The following SHC2 variants were observed in gnomAD, a reference collection of about 807,000 sequenced individuals.
SHC2 encodes the protein SHC adaptor protein 2.
A neutral mutation model predicts 60.6 loss-of-function variants in SHC2; 62 were observed. That is an observed-to-expected ratio of 1.02 (90% CI 0.83 to 1.26). The LOEUF is 1.26. Among genes scored for constraint, SHC2 ranks in the 50% most tolerant of loss-of-function variants. The pLI is 0.00. For missense variants in SHC2, 873 were observed against 822.2 expected (o/e 1.06, Z -0.76); for synonymous variants, 375 against 372.4 (o/e 1.01, Z -0.08).
intron 1 of SHC2, among the ~76,000 whole-genome samples, chr19:448,187 C>T (rs1975094034): frequency 1.3e-5 from 2 of 152,220 alleles, no homozygotes; most frequent in South Asian, 2.1e-4. Context: ...CAGAGCTTTA[C>T]GGGGGAGAAA....
At position 438,814 on chromosome 19, in the gene SHC2, G is replaced by A. The variant is rs543925986; in HGVS notation, c.624C>T (p.Ser208=). 342 of 1,571,606 alleles carry A rather than the reference G, an allele frequency of 2.2e-4. 2 individuals are homozygous for A. In the Admixed American group the frequency reaches 4.3e-3, roughly 20 times the overall value. ...KKKAPNKALA[S]VLGKSNLRFA... The stretch of plus-strand genomic sequence containing the variant: ...AGCGAAGGTTGCTCTTGCCCAGGAC[G>A]GACGCCAGGGCCTTGTTGGGGGCCT... The change falls in exon 4 of 13, where the codon TCC becomes TCT. Residue 208 remains serine (S), a synonymous_variant. Coordinates refer to ENST00000264554, the MANE Select transcript of SHC2 (RefSeq NM_012435.3). The surrounding 1 kb of genome is among the most constrained non-coding windows in gnomAD (Gnocchi z 5.0).
At chr19:450,243 G>A (rs1191944844) in intron 1 of SHC2, among the ~76,000 whole-genome samples, 2 of 152,244 alleles carry the variant, frequency 1.3e-5, no homozygotes, top group African/African-American at 4.8e-5. Flanking sequence ...GCATCTTGTG[G>A]GGAAAGCCTT....
chr19:452,860 G>C (rs1975235070), intron 1 of SHC2, among the ~76,000 whole-genome samples: 1 of 152,190 alleles, frequency 6.6e-6, no homozygotes, highest in Non-Finnish European at 1.5e-5. Context: ...TGGGGCTCGA[G>C]AATCAGCATT....
Position 444,930 on chromosome 19 carries a change from G to A in SHC2, c.469-3998C>T, listed in dbSNP as rs368343805. On this transcript the variant is annotated intron_variant, in intron 1 of 12. Transcript: ENST00000264554. ...CTCGGGAAACAGGCCCGGGTGGGAG[G>A]GTGACTGACCTCCTGGGCCACACGG... 1.8e-4 allele frequency among the ~76,000 whole-genome samples: 28 copies of A among 152,338 alleles called. 1 individual carries two copies. The South Asian group carries it at 5.8e-3, about 32-fold the overall frequency.
chr19:440,556 G>A lies in SHC2; in HGVS notation c.539+306C>T, dbSNP rs146219862. Among the ~76,000 whole-genome samples, 307 of 152,298 alleles carry A rather than the reference G, an allele frequency of 2.0e-3. 5 individuals carry two copies. The South Asian group carries it at 0.036, about 18-fold the overall frequency. On this transcript the variant is annotated intron_variant, in intron 2 of 12. Transcript: ENST00000264554. This position sits in a 1 kb window ranked among gnomAD's most constrained non-coding sequence, Gnocchi z 7.0. The stretch of plus-strand genomic sequence containing the variant: ...GGACACGGAGACGCCACTGGGCCCC[G>A]GTCCCAGAGGGAACCCGCCAGGCCC...
rs918775400 is a variant in SHC2, at chr19:450,176, AG to A, written c.469-9245del. ...GAGGCTGGGCAGCCGGCGCTACAGG[AG>A]GGGGGGGACTCACAATGACACCGAA... On this transcript the variant is annotated intron_variant, in intron 1 of 12. Coordinates refer to ENST00000264554, the MANE Select transcript of SHC2 (RefSeq NM_012435.3). Among the ~76,000 whole-genome samples the A allele has an allele frequency of 6.8e-4, 104 of 151,826 alleles. 1 individual carries two copies. Among genetic ancestry groups the A allele is most frequent in the Middle Eastern group, 3.4e-3 (1 of 294 alleles).
intron 9 of SHC2, among the ~76,000 whole-genome samples, chr19:426,849 C>T (rs35528722): frequency 2.3e-5 from 2 of 88,884 alleles, no homozygotes; most frequent in African/African-American, 4.2e-5. Flanking sequence ...GACGACAGTG[C>T]GAGGGGCAGA....
chr19:438,886 C>T lies in SHC2; in HGVS notation c.601-49G>A, dbSNP rs766734194. 45 of 1,552,262 alleles carry T rather than the reference C, an allele frequency of 2.9e-5. No individual in the cohort carries two copies. The highest frequency in any genetic ancestry group is 1.5e-4 in the East Asian group (6 of 41,314). ...GAGGGCGGCTGTGGGTGGGGGCTGT[C>T]GAGGGGCTCCCAGGATGGCCGCAGC... On this transcript the variant is annotated intron_variant, in intron 3 of 12. Transcript: ENST00000264554. The surrounding 1 kb of genome is among the most constrained non-coding windows in gnomAD (Gnocchi z 5.0).
Position 438,715 on chromosome 19 carries a change from C to A in SHC2, c.720+3G>T. The stretch of plus-strand genomic sequence containing the variant: ...GGACGCCAGGCGAAGAGGGCAGACC[C>A]ACCTGGCGCGTGGCAGGCACGGAGA... On this transcript the variant is annotated splice_donor_region_variant and intron_variant, in intron 4 of 12. Transcript: ENST00000264554. This position sits in a 1 kb window ranked among gnomAD's most constrained non-coding sequence, Gnocchi z 5.0. The A allele has an allele frequency of 6.4e-7, 1 of 1,554,122 alleles. No individual in the cohort carries two copies. The highest frequency in any genetic ancestry group is 2.4e-5 in the East Asian group (1 of 41,158).
chr19:458,312 T>C (rs868745587), intron 1 of SHC2, among the ~76,000 whole-genome samples: 135 of 47,470 alleles, frequency 2.8e-3, no homozygotes, highest in South Asian at 4.6e-3. Flanking sequence ...GAAGCGGGTC[T>C]TGGGGAGGCG....
Position 440,785 on chromosome 19 carries a change from C to T in SHC2, c.539+77G>A, listed in dbSNP as rs1202738428. The T allele has an allele frequency of 1.1e-5, 15 of 1,304,470 alleles. No homozygotes were observed. The highest frequency in any genetic ancestry group is 2.0e-4 in the Middle Eastern group (1 of 5,090). 80.8% of individuals were successfully genotyped at this position (1,304,470 alleles called of 1,614,324 possible). ...CCAGCGCGGCTGTCGGAGAGCCCAT[C>T]GCTGCCGCCCTCCAGTGCTGCCGCC... On this transcript the variant is annotated intron_variant, in intron 2 of 12. Coordinates refer to ENST00000264554, the MANE Select transcript of SHC2 (RefSeq NM_012435.3). The surrounding 1 kb of genome is among the most constrained non-coding windows in gnomAD (Gnocchi z 7.0).
Position 434,853 on chromosome 19 carries a change from C to G in SHC2, c.966G>C (p.Pro322=). 6.2e-7 allele frequency: 1 copy of G among 1,610,760 alleles called. No homozygotes were observed. The highest frequency in any genetic ancestry group is 1.1e-5 in the South Asian group (1 of 91,022). Residue 322 remains proline (P), a synonymous_variant, in exon 8 of 13, where the codon CCG becomes CCC. Coordinates refer to ENST00000264554, the MANE Select transcript of SHC2 (RefSeq NM_012435.3). ...CCTCGTCCCCCCAGGCCGACTCCTCCGGCCCTGCCAGCCTGGGGGACAGAC... is the reference window on the plus strand; with the variant it reads ...CCTCGTCCCCCCAGGCCGACTCCTCGGGCCCTGCCAGCCTGGGGGACAGAC... ...VALPPERLAG[P]EESAWGDEED... is the part of the protein sequence containing the mutation.
rs1974855704 is a variant in SHC2 at position 441,135 on chromosome 19, G to C, written c.469-203C>G. On this transcript the variant is annotated intron_variant, in intron 1 of 12. Transcript: ENST00000264554. This position sits in a 1 kb window ranked among gnomAD's most constrained non-coding sequence, Gnocchi z 4.9. ...CTGCGAGCCGCCCCCTCTGACTCCA[G>C]GCATGTTTTTCTGTGTTGCTGTTTC... 1 of 985,148 alleles carries C rather than the reference G, an allele frequency of 1.0e-6. No individual in the cohort carries two copies. The highest frequency in any genetic ancestry group is 1.2e-6 in the Non-Finnish European group (1 of 829,866). 61.0% of individuals were successfully genotyped at this position (985,148 alleles called of 1,614,324 possible). A position where few individuals can be genotyped will look rare whatever the true frequency, so the allele number is the denominator to read the frequency against.
At chr19:450,489 A>G (rs76331611) in intron 1 of SHC2, among the ~76,000 whole-genome samples, 5,054 of 152,184 alleles carry the variant, frequency 0.033, 277 homozygotes, top group African/African-American at 0.11. Context: ...CTGACCCCAC[A>G]AAACACTTAC....
chr19:455,042 A>G (rs1975304659), intron 1 of SHC2, among the ~76,000 whole-genome samples: 1 of 152,170 alleles, frequency 6.6e-6, no homozygotes, highest in Non-Finnish European at 1.5e-5. Flanking sequence ...GGTGACCTGA[A>G]TCCAACGTGA....
chr19:457,152 CCA>C lies in SHC2; in HGVS notation c.468+3375_468+3376del, dbSNP rs1568299769. Among the ~76,000 whole-genome samples, 29 of 135,518 alleles carry C rather than the reference CCA, an allele frequency of 2.1e-4. 2 individuals are homozygous for C. The highest frequency in any genetic ancestry group is 2.9e-4 in the Non-Finnish European group (18 of 62,470). The allele number at this position is 135,518 out of a possible 152,430, so 88.9% of individuals were successfully genotyped here. ...ACTAGAACTCTGTCTGCAAACCCCA[CCA>C]CATCAGGCCTTTGCACCAGCACCTG... On this transcript the variant is annotated intron_variant, in intron 1 of 12. Transcript: ENST00000264554.
chr19:444,769 G>A (rs1220673939), intron 1 of SHC2, among the ~76,000 whole-genome samples: 1 of 152,032 alleles, frequency 6.6e-6, no homozygotes, highest in Non-Finnish European at 1.5e-5. Context: ...TCCACTGCAC[G>A]CAGATCCGGT....
rs1255181502 is a variant in SHC2, at chr19:436,614, C to G, written c.774+16G>C. On this transcript the variant is annotated intron_variant, in intron 5 of 12. Coordinates refer to ENST00000264554, the MANE Select transcript of SHC2 (RefSeq NM_012435.3). Reference sequence around the variant, plus strand: ...GGGCGGCAGGGCTGCAGGTCCACCCCCATCCCTGGCCTCACCGTGTCTCCG... The same window carrying G: ...GGGCGGCAGGGCTGCAGGTCCACCCGCATCCCTGGCCTCACCGTGTCTCCG... 6.2e-7 allele frequency: 1 copy of G among 1,601,718 alleles called. No homozygotes were observed. Among genetic ancestry groups the G allele is most frequent in the Non-Finnish European group, 8.5e-7 (1 of 1,176,776 alleles).
intron 9 of SHC2, among the ~76,000 whole-genome samples, chr19:426,569 A>C (rs1404913133): frequency 3.1e-5 from 1 of 32,032 alleles, no homozygotes; most frequent in Non-Finnish European, 5.7e-5. Context: ...GACGACACCG[A>C]GAGGGGCAGA....
Sources: allele counts gnomAD v4.1 joint callset (sites outside exome capture counted in the v4.1 genomes callset), GRCh38; gene constraint gnomAD v4.1.1; non-coding constraint Gnocchi (gnomAD v3.1); transcripts MANE v1.5; gene names NCBI Gene and HGNC (gene_info 2026-07-23, HGNC 2026-07-21).